ZBBX: variants seen among roughly 807,000 people sequenced by gnomAD.
The protein encoded by ZBBX is zinc finger B-box domain containing.
ZBBX carries 101 observed loss-of-function variants against 108.5 expected under a neutral mutation model. The ratio of observed to expected loss-of-function variants is 0.93; its 90% CI spans 0.79 to 1.10. The LOEUF (loss-of-function observed/expected upper bound fraction) is 1.10, where lower values mean the gene tolerates loss of function less well. Among genes scored for constraint, ZBBX ranks in the 50% least tolerant of loss-of-function variants. The pLI is 0.00. For missense variants in ZBBX, 1,009 were observed against 941.4 expected (o/e 1.07, Z -0.94); for synonymous variants, 356 against 323.4 (o/e 1.10, Z -1.08).
the ZBBX span, among the ~76,000 whole-genome samples, chr3:167,184,503 G>A: frequency 1.3e-5 from 2 of 151,910 alleles, no homozygotes; most frequent in African/African-American, 4.8e-5. Flanking sequence ...TTACTCCCTG[G>A]TATCTACCCA....
intron 17 of ZBBX, among the ~76,000 whole-genome samples, chr3:167,299,932 A>G (rs1251637719): frequency 6.6e-6 from 1 of 152,122 alleles, no homozygotes; most frequent in Non-Finnish European, 1.5e-5. Flanking sequence ...GCTCTATTTT[A>G]CAGCTCCCCT....
chr3:167,306,571 C>T (rs1350940657), intron 16 of ZBBX, among the ~76,000 whole-genome samples: 1 of 152,036 alleles, frequency 6.6e-6, no homozygotes, highest in Non-Finnish European at 1.5e-5. Flanking sequence ...TCTGAAGGCA[C>T]TCTTTAAAAT....
At chr3:167,252,984 G>T (rs1351405120) in intron 20 of ZBBX, among the ~76,000 whole-genome samples, 1 of 152,014 alleles carries the variant, frequency 6.6e-6, no homozygotes, top group Non-Finnish European at 1.5e-5. Flanking sequence ...TTCAGAATTG[G>T]CCTGTAATGT....
chr3:167,245,133 G>T (rs998472695), intron 20 of ZBBX, among the ~76,000 whole-genome samples: 6 of 152,184 alleles, frequency 3.9e-5, no homozygotes, highest in Non-Finnish European at 7.3e-5. Flanking sequence ...GACAGTGTGG[G>T]CCGGGCGCGG....
upstream of ZBBX, among the ~76,000 whole-genome samples, chr3:167,381,890 T>C (rs1747749018): frequency 6.6e-6 from 1 of 152,142 alleles, no homozygotes; most frequent in African/African-American, 2.4e-5. Flanking sequence ...AAATAGAAAC[T>C]AATTGAGTTC....
chr3:167,185,312 G>A, the ZBBX span, among the ~76,000 whole-genome samples: 7 of 152,018 alleles, frequency 4.6e-5, no homozygotes, highest in African/African-American at 7.3e-5. Flanking sequence ...ACATCCTTTC[G>A]GAAGTAAAAC....
the ZBBX span, among the ~76,000 whole-genome samples, chr3:167,223,818 C>T: frequency 4.6e-5 from 7 of 151,982 alleles, no homozygotes; most frequent in East Asian, 1.9e-4. Flanking sequence ...GTGTTCTTAG[C>T]GAGCCCCAAG....
At chr3:167,283,692 C>T (rs1456230696) in intron 19 of ZBBX, among the ~76,000 whole-genome samples, 4 of 152,172 alleles carry the variant, frequency 2.6e-5, no homozygotes, top group Admixed American at 1.3e-4. Context: ...TGTCACTAGG[C>T]TGGAGTGCAG....
At position 167,282,307 on chromosome 3, in the gene ZBBX, C is replaced by A. The variant is rs374795192; in HGVS notation, c.2185G>T (p.Asp729Tyr). ...DITDQNELSL[D>Y]DTTDQHTLDN... ...AAAGTATGTTGATCAGTAGTGTCAT[C>A]TAAGGAAAGCTCATTCTGGTCAGTA... Residue 729 changes from aspartate to tyrosine, a missense_variant, in exon 20 of 22, where the codon GAT becomes TAT. Coordinates refer to ENST00000675490, the MANE Select transcript of ZBBX (RefSeq NM_001199201.2). 21 of 1,613,812 alleles carry A rather than the reference C, an allele frequency of 1.3e-5. No homozygotes were observed. In the African/African-American group the frequency reaches 2.8e-4, roughly 22 times the overall value.
intron 19 of ZBBX, among the ~76,000 whole-genome samples, chr3:167,283,158 A>G (rs1030121272): frequency 2.0e-5 from 3 of 152,174 alleles, no homozygotes; most frequent in African/African-American, 7.2e-5. Flanking sequence ...GACAGTCGCT[A>G]CTTTGTCTTC....
chr3:167,311,743 C>T (rs1276420448), intron 16 of ZBBX, among the ~76,000 whole-genome samples: 1 of 151,988 alleles, frequency 6.6e-6, no homozygotes, highest in Non-Finnish European at 1.5e-5. Flanking sequence ...TATCACTACA[C>T]AATTGCTAGA....
intron 18 of ZBBX, among the ~76,000 whole-genome samples, chr3:167,290,414 G>C (rs1160943725): frequency 6.6e-6 from 1 of 152,090 alleles, no homozygotes; most frequent in Non-Finnish European, 1.5e-5. Flanking sequence ...AGGCAAACAG[G>C]GTCTAGAGTG....
At chr3:167,391,118 G>C (rs1224596322) in intron 1 of ZBBX, among the ~76,000 whole-genome samples, 1 of 152,030 alleles carries the variant, frequency 6.6e-6, no homozygotes, top group African/African-American at 2.4e-5. Flanking sequence ...ATTGGCTATG[G>C]GTTTGTCAAC....
intron 9 of ZBBX, among the ~76,000 whole-genome samples, chr3:167,341,364 A>T (rs1740505351): frequency 6.6e-6 from 1 of 151,888 alleles, no homozygotes; most frequent in Non-Finnish European, 1.5e-5. Context: ...AGTACTTTAT[A>T]AAATAACACG....
intron 16 of ZBBX, among the ~76,000 whole-genome samples, chr3:167,313,507 T>C (rs1429366867): frequency 6.6e-6 from 1 of 152,068 alleles, no homozygotes; most frequent in Non-Finnish European, 1.5e-5. Context: ...GGTCTCAAAC[T>C]CCTGACTTCA....
intron 10 of ZBBX, among the ~76,000 whole-genome samples, chr3:167,330,859 G>GAAGAAGAAGAAGAAGAAGAAGA (rs1738352920): frequency 4.2e-5 from 1 of 23,880 alleles, no homozygotes; most frequent in Non-Finnish European, 1.4e-4. Flanking sequence ...GGAGGAGGAG[G>GAAGAAGAAGAAGAAGAAGAAGA]AGGAGGAGGA....
At chr3:167,372,104 C>T (rs559856023) in intron 4 of ZBBX, among the ~76,000 whole-genome samples, 13 of 152,092 alleles carry the variant, frequency 8.5e-5, no homozygotes, top group East Asian at 3.9e-4. Flanking sequence ...CCAGCTACTC[C>T]GGTGGCTGAG....
chr3:167,279,976 T>C (rs1036434667), intron 20 of ZBBX, among the ~76,000 whole-genome samples: 1 of 151,606 alleles, frequency 6.6e-6, no homozygotes, highest in African/African-American at 2.4e-5. Flanking sequence ...TTGACAAACC[T>C]GACAAAAACA....
chr3:167,246,348 A>C (rs777130025), intron 20 of ZBBX, among the ~76,000 whole-genome samples: 4 of 152,204 alleles, frequency 2.6e-5, no homozygotes, highest in Non-Finnish European at 4.4e-5. Context: ...TTTGTGAACT[A>C]TAAATCCTGA....
Sources: allele counts gnomAD v4.1 joint callset (sites outside exome capture counted in the v4.1 genomes callset), GRCh38; gene constraint gnomAD v4.1.1; transcripts MANE v1.5; gene names NCBI Gene and HGNC (gene_info 2026-07-23, HGNC 2026-07-21).